The following FHOD3 variants were observed in gnomAD, a reference collection of about 807,000 sequenced individuals.
FHOD3 encodes formin homology 2 domain containing 3.
A neutral mutation model predicts 173.0 loss-of-function variants in FHOD3; 90 were observed. The observed-to-expected ratio is 0.52, with a 90% confidence interval of 0.44 to 0.62. FHOD3 has a LOEUF of 0.62. Among genes scored for constraint, FHOD3 ranks in the 20% least tolerant of loss-of-function variants. FHOD3 has a pLI of 0.00. For missense variants in FHOD3, 1,945 were observed against 2,034.7 expected (o/e 0.96, Z 0.85); for synonymous variants, 828 against 823.0 (o/e 1.01, Z -0.10).
chr18:36,742,740 G>A lies in FHOD3; in HGVS notation c.3763G>A (p.Val1255Ile). The A allele has an allele frequency of 6.2e-7, 1 of 1,605,772 alleles. No homozygotes were observed. Among genetic ancestry groups the A allele is most frequent in the Non-Finnish European group, 8.5e-7 (1 of 1,177,904 alleles). The change falls in exon 22 of 29, where the codon GTA becomes ATA. Residue 1255 changes from valine (V) to isoleucine (I), a missense_variant. Around this residue, in one of 5 missense-constraint regions of FHOD3, gnomAD observed 231 missense variants for 321.9 expected, o/e 0.72. Coordinates refer to ENST00000590592, the MANE Select transcript of FHOD3 (RefSeq NM_001281740.3). ...CTAATTTTTTTTTAACTGAAAGGAA[G>A]TAGCAGAACCACTCCTGGACCTGAA... is the stretch of plus-strand genomic sequence containing the variant. Reference protein sequence around the residue: ...KMDYETTEKEVAEPLLDLKEG... With the variant: ...KMDYETTEKEIAEPLLDLKEG...
At chr18:36,529,600 C>T (rs1481218765) in intron 5 of FHOD3, among the ~76,000 whole-genome samples, 3 of 151,920 alleles carry the variant, frequency 2.0e-5, no homozygotes, top group African/African-American at 7.3e-5. Flanking sequence ...GGGTGGATCA[C>T]TTGAGGTCAG....
chr18:36,748,188 A>G (rs1445163778), intron 24 of FHOD3, among the ~76,000 whole-genome samples: 2 of 152,156 alleles, frequency 1.3e-5, no homozygotes, highest in African/African-American at 4.8e-5. Flanking sequence ...TTGTTCAACT[A>G]TAAATCTCCC....
intron 14 of FHOD3, among the ~76,000 whole-genome samples, chr18:36,674,289 TGAGG>T (rs1380748275): frequency 2.6e-5 from 4 of 152,230 alleles, no homozygotes; most frequent in Admixed American, 2.6e-4. Flanking sequence ...AAAACAGTGC[TGAGG>T]GTTGAATCCA....
At chr18:36,683,079 G>A (rs1244622958) in intron 15 of FHOD3, among the ~76,000 whole-genome samples, 1 of 152,198 alleles carries the variant, frequency 6.6e-6, no homozygotes, top group Admixed American at 6.5e-5. Flanking sequence ...TTCCCATCAA[G>A]ATAGTGTAGC....
At chr18:36,664,934 G>A (rs1009924478) in intron 14 of FHOD3, among the ~76,000 whole-genome samples, 4 of 152,062 alleles carry the variant, frequency 2.6e-5, no homozygotes, top group African/African-American at 4.8e-5. Context: ...ACCAGCCCAG[G>A]CAACAAAGAG....
intron 3 of FHOD3, among the ~76,000 whole-genome samples, chr18:36,475,751 TACACACACACACACAC>T (rs58982535): frequency 8.4e-4 from 120 of 143,056 alleles, no homozygotes; most frequent in Middle Eastern, 3.6e-3. Context: ...TATAGAAACA[TACACACACACACACAC>T]ACACACACAC....
intron 1 of FHOD3, among the ~76,000 whole-genome samples, chr18:36,342,567 C>T (rs1483684425): frequency 2.0e-5 from 3 of 152,146 alleles, no homozygotes; most frequent in Non-Finnish European, 4.4e-5. Context: ...TTTTAGAATA[C>T]TCCAGGAAAA....
At chr18:36,427,926 CTTAGAAA>C (rs1233239185) in intron 3 of FHOD3, among the ~76,000 whole-genome samples, 2 of 152,094 alleles carry the variant, frequency 1.3e-5, no homozygotes, top group Non-Finnish European at 2.9e-5. Context: ...TCTGAAAATT[CTTAGAAA>C]TTAGAATACA....
At chr18:36,395,946 G>GA (rs541616453) in intron 3 of FHOD3, among the ~76,000 whole-genome samples, 126 of 152,254 alleles carry the variant, frequency 8.3e-4, no homozygotes, top group African/African-American at 2.7e-3. Context: ...TAAGGAGTCA[G>GA]AAAAAATTTG....
chr18:36,340,936 C>A (rs1333757679), intron 1 of FHOD3, among the ~76,000 whole-genome samples: 1 of 152,208 alleles, frequency 6.6e-6, no homozygotes, highest in Non-Finnish European at 1.5e-5. Flanking sequence ...CGCGCCCGGC[C>A]AGTCTCCTTT....
intron 3 of FHOD3, among the ~76,000 whole-genome samples, chr18:36,380,673 A>G (rs2047735084): frequency 7.4e-6 from 1 of 135,818 alleles, no homozygotes; most frequent in Non-Finnish European, 1.5e-5. Context: ...TTCAGAGTCA[A>G]TGGTCAGTTT....
intron 3 of FHOD3, among the ~76,000 whole-genome samples, chr18:36,378,766 C>T (rs1294353651): frequency 6.6e-6 from 1 of 152,134 alleles, no homozygotes; most frequent in Non-Finnish European, 1.5e-5. Context: ...ACTGCAACCT[C>T]CGCTTTCCCG....
Position 36,760,679 on chromosome 18 carries a change from G to A in FHOD3, c.4521G>A (p.Ala1507=). ...QPQGLSYAED[A]AEHENMKAVL... ...AGGGTCTGAGCTATGCGGAGGACGCGGCTGAGCACGAGAACATGAAGGCTG... is the reference window on the plus strand; with the variant it reads ...AGGGTCTGAGCTATGCGGAGGACGCAGCTGAGCACGAGAACATGAAGGCTG... Residue 1507 remains alanine, a synonymous_variant, in exon 27 of 29, where the codon GCG becomes GCA. Coordinates refer to ENST00000590592, the MANE Select transcript of FHOD3 (RefSeq NM_001281740.3). 4 of 1,613,298 alleles carry A rather than the reference G, an allele frequency of 2.5e-6. No individual in the cohort carries two copies. Among genetic ancestry groups the A allele is most frequent in the Middle Eastern group, 1.6e-4 (1 of 6,062 alleles).
At chr18:36,502,752 C>T (rs1356342213) in intron 4 of FHOD3, among the ~76,000 whole-genome samples, 1 of 152,140 alleles carries the variant, frequency 6.6e-6, no homozygotes, top group Non-Finnish European at 1.5e-5. Flanking sequence ...CTGTGTTATG[C>T]TCCCCCATCC....
intron 14 of FHOD3, among the ~76,000 whole-genome samples, chr18:36,678,524 C>CAAAAAAAAAAAA (rs58064190): frequency 5.6e-5 from 4 of 71,148 alleles, no homozygotes; most frequent in Admixed American, 1.8e-4. Context: ...GACCCTGTCT[C>CAAAAAAAAAAAA]AAAAAAAAAA....
chr18:36,526,862 A>G (rs2056541433), intron 5 of FHOD3, among the ~76,000 whole-genome samples: 1 of 152,224 alleles, frequency 6.6e-6, no homozygotes, highest in African/African-American at 2.4e-5. Flanking sequence ...AAAATAAAGG[A>G]GATATGTAAC....
At chr18:36,385,482 C>T (rs1170584335) in intron 3 of FHOD3, among the ~76,000 whole-genome samples, 1 of 150,522 alleles carries the variant, frequency 6.6e-6, no homozygotes, top group Non-Finnish European at 1.5e-5. Flanking sequence ...CTGTAACCTC[C>T]ACCTCCCAGG....
chr18:36,502,707 C>G (rs1454976471), intron 4 of FHOD3, among the ~76,000 whole-genome samples: 1 of 152,158 alleles, frequency 6.6e-6, no homozygotes, highest in African/African-American at 2.4e-5. Flanking sequence ...AATAAACATA[C>G]ATGTGCAAAG....
chr18:36,445,902 C>A (rs1352360201), intron 3 of FHOD3, among the ~76,000 whole-genome samples: 1 of 152,132 alleles, frequency 6.6e-6, no homozygotes, highest in Non-Finnish European at 1.5e-5. Context: ...CGGAAGTTGC[C>A]ATTTTCTTCT....
Sources: gnomAD v4.1 joint callset for allele counts (sites outside exome capture counted in the v4.1 genomes callset) on GRCh38, gnomAD v4.1.1 for gene constraint, gnomAD v4.1.1 regional missense constraint, MANE v1.5 for transcripts, NCBI Gene and HGNC (gene_info 2026-07-23, HGNC 2026-07-21) for gene names.